The following NECAB1 variants were observed in gnomAD, a reference collection of about 807,000 sequenced individuals.
NECAB1 encodes the protein N-terminal EF-hand calcium binding protein 1, also known as N-terminal EF-hand calcium-binding protein 1.
A neutral mutation model predicts 57.5 loss-of-function variants in NECAB1; 29 were observed. The observed-to-expected ratio is 0.50, with a 90% CI of 0.38 to 0.69. The LOEUF is 0.69. Among genes scored for constraint, NECAB1 ranks in the 30% least tolerant of loss-of-function variants. The pLI is 0.00. For missense variants in NECAB1, 372 were observed against 413.8 expected (o/e 0.90, Z 0.88); for synonymous variants, 142 against 147.7 (o/e 0.96, Z 0.28).
chr8:90,886,494 A>C (rs1039385675), intron 5 of NECAB1, among the ~76,000 whole-genome samples: 11 of 152,118 alleles, frequency 7.2e-5, no homozygotes, highest in African/African-American at 2.7e-4. Context: ...TTGAAAATGT[A>C]AAAGTGCAGG....
Position 90,824,566 on chromosome 8 carries a change from A to C in NECAB1, c.125-151A>C, listed in dbSNP as rs567871707. The C allele has an allele frequency of 1.5e-5, 7 of 463,800 alleles. No homozygotes were observed. The Admixed American group carries it at 2.3e-4, about 15-fold the overall frequency. 28.7% of individuals were successfully genotyped at this position (463,800 alleles called of 1,614,324 possible). A position where few individuals can be genotyped will look rare whatever the true frequency, so the allele number is the denominator to read the frequency against. ...TTCTATGTTATATAAAGATATATTA[A>C]ATTATTTTTCTTTTTAACACCTTCA... On this transcript the variant is annotated intron_variant, in intron 2 of 12. Transcript: ENST00000417640.
At chr8:90,854,070 C>G (rs1812745670) in intron 3 of NECAB1, among the ~76,000 whole-genome samples, 1 of 151,940 alleles carries the variant, frequency 6.6e-6, no homozygotes, top group Non-Finnish European at 1.5e-5. Flanking sequence ...ATCTGGGAGG[C>G]CTGAAGATTA....
chr8:90,830,709 T>C (rs965581077), intron 3 of NECAB1, among the ~76,000 whole-genome samples: 26 of 152,108 alleles, frequency 1.7e-4, no homozygotes, highest in Non-Finnish European at 2.9e-5. Flanking sequence ...GTAGCTTTCT[T>C]GGCATAAGCA....
intron 7 of NECAB1, among the ~76,000 whole-genome samples, chr8:90,925,962 T>C (rs1300686809): frequency 6.6e-6 from 1 of 152,134 alleles, no homozygotes; most frequent in African/African-American, 2.4e-5. Context: ...CCCCATGATC[T>C]TGAAATAAAG....
chr8:90,906,889 A>ATGTATATATATATATGTATGTATATATG (rs1370948313), intron 5 of NECAB1, among the ~76,000 whole-genome samples: 1 of 72,856 alleles, frequency 1.4e-5, no homozygotes, highest in African/African-American at 5.7e-5. Flanking sequence ...ATATATATAT[A>ATGTATATATATATATGTATGTATATATG]TATATATATA....
chr8:90,885,682 G>A (rs942578006), intron 5 of NECAB1, among the ~76,000 whole-genome samples: 12 of 152,096 alleles, frequency 7.9e-5, no homozygotes, highest in African/African-American at 2.7e-4. Context: ...TTTAAACCAA[G>A]TGATTCTCGT....
chr8:90,877,925 C>T (rs569107659), intron 4 of NECAB1, among the ~76,000 whole-genome samples: 3 of 152,322 alleles, frequency 2.0e-5, no homozygotes, highest in South Asian at 2.1e-4. Context: ...CTTCCATGCC[C>T]TTCCTCTGAG....
chr8:90,876,286 T>C (rs1278799737), intron 4 of NECAB1, among the ~76,000 whole-genome samples: 3 of 152,000 alleles, frequency 2.0e-5, no homozygotes, highest in South Asian at 2.1e-4. Context: ...GTAAGAGAGT[T>C]TGCGTGTCGC....
intron 10 of NECAB1, 29 bp from the exon 11 acceptor site, chr8:90,949,778 C>T (rs1810888725): frequency 3.0e-6 from 4 of 1,346,048 alleles, no homozygotes; most frequent in Non-Finnish European, 4.2e-6. Flanking sequence ...TTTCCAGTAG[C>T]TAATTATGCC....
intron 9 of NECAB1, among the ~76,000 whole-genome samples, chr8:90,938,427 G>C (rs1293536324): frequency 1.3e-5 from 2 of 152,132 alleles, no homozygotes; most frequent in Non-Finnish European, 2.9e-5. Context: ...CTGTGTATTT[G>C]ACACAAGAGA....
chr8:90,919,320 G>A (rs1348420860), intron 6 of NECAB1, among the ~76,000 whole-genome samples: 1 of 152,132 alleles, frequency 6.6e-6, no homozygotes, highest in Non-Finnish European at 1.5e-5. Flanking sequence ...TTAAATTAGA[G>A]AGAAGGAAAC....
At position 90,820,174 on chromosome 8, in the gene NECAB1, G is replaced by A. The variant is rs139590153; in HGVS notation, c.125-4543G>A. On this transcript the variant is annotated intron_variant, in intron 2 of 12. Transcript: ENST00000417640. ...TGCTTTTACCTGTCTTTCCAGATTT[G>A]GGGTAGCAGTTTACCCTGACTTCAG... Among the ~76,000 whole-genome samples the A allele has an allele frequency of 1.6e-3, 248 of 151,972 alleles. 1 individual carries two copies. The highest frequency in any genetic ancestry group is 5.6e-3 in the African/African-American group (232 of 41,496).
At chr8:90,800,674 G>A (rs886709945) in intron 1 of NECAB1, among the ~76,000 whole-genome samples, 1 of 152,090 alleles carries the variant, frequency 6.6e-6, no homozygotes, top group Non-Finnish European at 1.5e-5. Flanking sequence ...ATAACAAAAC[G>A]AATGACAGCA....
intron 3 of NECAB1, among the ~76,000 whole-genome samples, chr8:90,852,279 A>C (rs1197429142): frequency 6.6e-6 from 1 of 152,164 alleles, no homozygotes; most frequent in East Asian, 1.9e-4. Flanking sequence ...ACCACCACTC[A>C]TCGAGGCCCT....
intron 10 of NECAB1, among the ~76,000 whole-genome samples, chr8:90,941,577 C>T (rs958753708): frequency 2.0e-5 from 3 of 152,138 alleles, no homozygotes; most frequent in African/African-American, 7.2e-5. Flanking sequence ...AACTGGGAAC[C>T]TAAAGTAACT....
At chr8:90,808,836 G>A (rs769268744) in intron 2 of NECAB1, among the ~76,000 whole-genome samples, 82 of 151,742 alleles carry the variant, frequency 5.4e-4, no homozygotes, top group African/African-American at 1.5e-3. Flanking sequence ...TAGTAGAGAC[G>A]GGGTTTCACC....
intron 3 of NECAB1, among the ~76,000 whole-genome samples, chr8:90,866,471 C>T (rs147171744): frequency 6.7e-4 from 102 of 152,104 alleles, no homozygotes; most frequent in Non-Finnish European, 1.3e-3. Context: ...TATTCTTCTG[C>T]ACTGGTAATA....
At chr8:90,921,798 GGAT>G (rs755472575) in intron 6 of NECAB1, among the ~76,000 whole-genome samples, 2 of 152,132 alleles carry the variant, frequency 1.3e-5, no homozygotes, top group Non-Finnish European at 2.9e-5. Context: ...TGAAACCTAG[GGAT>G]ACAAAGACTC....
Position 90,853,123 on chromosome 8 carries a change from C to T in NECAB1, c.234-19005C>T, listed in dbSNP as rs537636126. Among the ~76,000 whole-genome samples, 109 of 152,368 alleles carry T rather than the reference C, an allele frequency of 7.2e-4. 3 individuals carry two copies. The South Asian group carries it at 0.021, about 30-fold the overall frequency. On this transcript the variant is annotated intron_variant, in intron 3 of 12. Transcript: ENST00000417640. ...TGCATGGAGTTTGCTTCTGCTGGTGCGCAAAGCACTTGCCCTGGCTCCTGT... is the reference window on the plus strand; with the variant it reads ...TGCATGGAGTTTGCTTCTGCTGGTGTGCAAAGCACTTGCCCTGGCTCCTGT...
Sources: gnomAD v4.1 joint callset for allele counts (sites outside exome capture counted in the v4.1 genomes callset) on GRCh38, gnomAD v4.1.1 for gene constraint, MANE v1.5 for transcripts, NCBI Gene and HGNC (gene_info 2026-07-23, HGNC 2026-07-21) for gene names.